Variants in HMGCS1 observed in about 807,000 individuals in gnomAD.
The protein encoded by HMGCS1 is 3-hydroxy-3-methylglutaryl-CoA synthase 1.
Under a neutral mutation model 52.3 loss-of-function variants are expected in HMGCS1, and 9 were observed. That is an observed-to-expected ratio of 0.17 (90% confidence interval 0.10 to 0.30). The LOEUF (loss-of-function observed/expected upper bound fraction) is 0.30, where lower values mean the gene tolerates loss of function less well. Ranked by LOEUF, HMGCS1 falls within the 10% of genes least tolerant of loss-of-function variation. The probability of loss-of-function intolerance (pLI) is 1.00; values close to 1 mark genes in which losing one functional copy is unlikely to be tolerated. For missense variants in HMGCS1, 320 were observed against 620.9 expected (o/e 0.52, Z 5.15); for synonymous variants, 176 against 214.4 (o/e 0.82, Z 1.57).
chr5:43,290,993 G>A lies in HMGCS1; in HGVS notation c.*138C>T. 1.6e-6 allele frequency: 1 copy of A among 606,610 alleles called. No individual in the cohort carries two copies. The highest frequency in any genetic ancestry group is 3.0e-6 in the Non-Finnish European group (1 of 334,644). 37.6% of individuals were successfully genotyped at this position (606,610 alleles called of 1,614,324 possible). On this transcript the variant is annotated 3_prime_UTR_variant, in exon 11 of 11. Transcript: ENST00000325110. ...TCCCAAGTACACGATAGTCATCCAG[G>A]CTCCATGTCAGTCACATAAAAATTT...
At position 43,288,215 on chromosome 5, in the gene HMGCS1, C is replaced by T. The variant is rs543878501; in HGVS notation, c.*2916G>A. The stretch of plus-strand genomic sequence containing the variant: ...CCATCTGAGGATTTCTAATCATAAT[C>T]TTCAGCATCAAATTACTGCCTTTAT... On this transcript the variant is annotated 3_prime_UTR_variant, in exon 11 of 11. Transcript: ENST00000325110. 6.6e-6 allele frequency: 1 copy of T among 152,150 alleles called. No individual in the cohort carries two copies. Among genetic ancestry groups the T allele is most frequent in the African/African-American group, 2.4e-5 (1 of 41,422 alleles). 9.4% of individuals were successfully genotyped at this position (152,150 alleles called of 1,614,324 possible).
At chr5:43,295,281 T>C (rs912981814) in intron 6 of HMGCS1, among the ~76,000 whole-genome samples, 1 of 152,074 alleles carries the variant, frequency 6.6e-6, no homozygotes, top group Non-Finnish European at 1.5e-5. Flanking sequence ...TTTTATCAGA[T>C]AGAGAAAGGA....
chr5:43,296,553 A>G (rs976613135), intron 5 of HMGCS1, among the ~76,000 whole-genome samples: 3 of 152,194 alleles, frequency 2.0e-5, no homozygotes, highest in African/African-American at 7.2e-5. Context: ...TGCCTCAACA[A>G]ATTTCCAGAT....
At position 43,289,970 on chromosome 5, in the gene HMGCS1, G is replaced by A. The variant is rs1408810317; in HGVS notation, c.*1161C>T. The A allele has an allele frequency of 6.6e-6, 1 of 152,262 alleles. No homozygotes were observed. The highest frequency in any genetic ancestry group is 2.4e-5 in the African/African-American group (1 of 41,310). 9.4% of individuals were successfully genotyped at this position (152,262 alleles called of 1,614,324 possible). On this transcript the variant is annotated 3_prime_UTR_variant, in exon 11 of 11. Transcript: ENST00000325110. Reference sequence around the variant, plus strand: ...TAACCAATCTTCTTATCTATCCTGTGTGATAGTTTTGTTTGTTGTTGTTTT... The same window carrying A: ...TAACCAATCTTCTTATCTATCCTGTATGATAGTTTTGTTTGTTGTTGTTTT...
chr5:43,297,112 A>G lies in HMGCS1; in HGVS notation c.629T>C (p.Leu210Pro), dbSNP rs1376065617. The part of the protein sequence containing the change: ...HAYDFYKPDM[L>P]SEYPIVDGKL... ...TCCATCTACTATAGGATATTCAGAT[A>G]GCATATCAGGCTTGTAAAAATCATA... The change falls in exon 5 of 11, where the codon CTA becomes CCA. Residue 210 changes from leucine (L) to proline (P), a missense_variant. Physicochemically the swap from Leu to Pro is moderately conservative, Grantham distance 98. This residue lies in a region of HMGCS1 where 85 missense variants were observed against 260.0 expected (regional missense o/e 0.33). Transcript: ENST00000325110. The G allele has an allele frequency of 6.2e-7, 1 of 1,613,344 alleles. No individual in the cohort carries two copies. The highest frequency in any genetic ancestry group is 8.5e-7 in the Non-Finnish European group (1 of 1,179,260).
chr5:43,289,771 C>T lies in HMGCS1; in HGVS notation c.*1360G>A, dbSNP rs1400086659. 6.6e-6 allele frequency: 1 copy of T among 152,492 alleles called. No individual in the cohort carries two copies. The highest frequency in any genetic ancestry group is 1.5e-5 in the Non-Finnish European group (1 of 68,008). 9.4% of individuals were successfully genotyped at this position (152,492 alleles called of 1,614,324 possible). On this transcript the variant is annotated 3_prime_UTR_variant, in exon 11 of 11. Coordinates refer to ENST00000325110, the MANE Select transcript of HMGCS1 (RefSeq NM_001098272.3). ...TTACATATTACCTTGCAATCTGAAA[C>T]ATTATATTTCATATTTGTGTATATT...
chr5:43,297,048 G>A lies in HMGCS1; in HGVS notation c.693C>T (p.Arg231=). The change falls in exon 5 of 11, where the codon CGC becomes CGT. Residue 231 remains arginine, a synonymous_variant. Transcript: ENST00000325110. ...SIQCYLSALD[R]CYSVYCKKIH... Reference sequence around the variant, plus strand: ...TCTTTTTGCAGTAGACAGAATAGCAGCGGTCTAATGCACTGAGGTAGCACT... The same window carrying A: ...TCTTTTTGCAGTAGACAGAATAGCAACGGTCTAATGCACTGAGGTAGCACT... The A allele has an allele frequency of 1.9e-6, 3 of 1,613,610 alleles. No homozygotes were observed. The Middle Eastern group carries it at 4.9e-4, about 266-fold the overall frequency.
rs568916053 is a variant in HMGCS1 at position 43,292,229 on chromosome 5, G to T, written c.1473+245C>A. Among the ~76,000 whole-genome samples, 154 of 152,108 alleles carry T rather than the reference G, an allele frequency of 1.0e-3. 1 individual carries two copies. The highest frequency in any genetic ancestry group is 3.5e-3 in the African/African-American group (144 of 41,510). ...GATGGTCTTGATCTCCTGACCTCGTGATCTGCCTGCCTCAGTCTCCCAAAG... is the reference window on the plus strand; with the variant it reads ...GATGGTCTTGATCTCCTGACCTCGTTATCTGCCTGCCTCAGTCTCCCAAAG... On this transcript the variant is annotated intron_variant, in intron 10 of 10. Transcript: ENST00000325110.
At chr5:43,310,280 C>T (rs949480452) in intron 1 of HMGCS1, among the ~76,000 whole-genome samples, 1 of 152,198 alleles carries the variant, frequency 6.6e-6, no homozygotes, top group Non-Finnish European at 1.5e-5. Flanking sequence ...TGTTCTAAGT[C>T]ACCTCTTCCT....
At position 43,289,296 on chromosome 5, in the gene HMGCS1, G is replaced by T. The variant is rs1180286728; in HGVS notation, c.*1835C>A. 1 of 152,500 alleles carries T rather than the reference G, an allele frequency of 6.6e-6. No homozygotes were observed. Among genetic ancestry groups the T allele is most frequent in the Admixed American group, 6.6e-5 (1 of 15,256 alleles). The allele number at this position is 152,500 out of a possible 1,614,324, so 9.4% of individuals were successfully genotyped here. On this transcript the variant is annotated 3_prime_UTR_variant, in exon 11 of 11. Coordinates refer to ENST00000325110, the MANE Select transcript of HMGCS1 (RefSeq NM_001098272.3). ...TGATAAATGAATGGAATGAGTGAACGAACTGAAATGAAATTAATGCCCATA... is the reference window on the plus strand; with the variant it reads ...TGATAAATGAATGGAATGAGTGAACTAACTGAAATGAAATTAATGCCCATA...
intron 2 of HMGCS1, among the ~76,000 whole-genome samples, chr5:43,303,276 G>A (rs1754405838): frequency 6.6e-6 from 1 of 152,228 alleles, no homozygotes; most frequent in Non-Finnish European, 1.5e-5. Flanking sequence ...ATGGCATTTG[G>A]AGATGGGGCC....
chr5:43,294,822 C>A lies in HMGCS1; in HGVS notation c.945G>T (p.Val315=), dbSNP rs1310404609. 1.9e-6 allele frequency: 3 copies of A among 1,611,154 alleles called. No homozygotes were observed. Among genetic ancestry groups the A allele is most frequent in the African/African-American group, 1.3e-5 (1 of 74,824 alleles). The change falls in exon 7 of 11, where the codon GTG becomes GTT. Residue 315 remains valine (V), a synonymous_variant. Coordinates refer to ENST00000325110, the MANE Select transcript of HMGCS1 (RefSeq NM_001098272.3). ...AGCTAGCCTTCATAAATGCCTTCTCCACATCTCTATCAAAGTAGGTGTCTT... is the reference window on the plus strand; with the variant it reads ...AGCTAGCCTTCATAAATGCCTTCTCAACATCTCTATCAAAGTAGGTGTCTT... ...KLEDTYFDRD[V]EKAFMKASSE...
intron 2 of HMGCS1, among the ~76,000 whole-genome samples, chr5:43,301,541 G>T (rs1754317538): frequency 6.6e-6 from 1 of 152,150 alleles, no homozygotes; most frequent in Non-Finnish European, 1.5e-5. Flanking sequence ...GATTTTTCTT[G>T]AATCAACCTT....
At chr5:43,303,713 G>A (rs1159724836) in intron 2 of HMGCS1, among the ~76,000 whole-genome samples, 2 of 152,078 alleles carry the variant, frequency 1.3e-5, no homozygotes, top group East Asian at 1.9e-4. Flanking sequence ...GTCTACTTCC[G>A]AATTATATCC....
intron 5 of HMGCS1, 36 bp from the exon 6 acceptor site, chr5:43,295,953 A>G (rs1754010860): frequency 6.6e-7 from 1 of 1,516,074 alleles, no homozygotes; most frequent in African/African-American, 1.4e-5. Context: ...TGAAATTCAT[A>G]TAAGCCATGA....
intron 2 of HMGCS1, among the ~76,000 whole-genome samples, chr5:43,306,973 GAGA>G (rs1754608568): frequency 6.6e-6 from 1 of 151,738 alleles, no homozygotes; most frequent in Non-Finnish European, 1.5e-5. Flanking sequence ...AGAATTGTAA[GAGA>G]AGCACTCCCT....
chr5:43,307,419 C>A (rs568043132), intron 2 of HMGCS1, among the ~76,000 whole-genome samples: 18 of 152,176 alleles, frequency 1.2e-4, no homozygotes, highest in African/African-American at 3.6e-4. Context: ...AGATACATAT[C>A]TTTTGAGGCC....
In HMGCS1 at chr5:43,298,285, C is replaced by T; in HGVS notation, c.449-151G>A. 6 of 750,792 alleles carry T rather than the reference C, an allele frequency of 8.0e-6. No homozygotes were observed. In the South Asian group the frequency reaches 9.9e-5, roughly 12 times the overall value. 46.5% of individuals were successfully genotyped at this position (750,792 alleles called of 1,614,324 possible). ...CTAATTTTTTTTTAAAATTCATCTGCCAAGGCTCTGTCATCCATCTGACTA... is the reference window on the plus strand; with the variant it reads ...CTAATTTTTTTTTAAAATTCATCTGTCAAGGCTCTGTCATCCATCTGACTA... On this transcript the variant is annotated intron_variant, in intron 3 of 10. Transcript: ENST00000325110. The surrounding 1 kb of genome is among the most constrained non-coding windows in gnomAD (Gnocchi z 5.6).
intron 2 of HMGCS1, among the ~76,000 whole-genome samples, chr5:43,299,321 G>C (rs1435708709): frequency 1.3e-5 from 2 of 152,138 alleles, no homozygotes; most frequent in African/African-American, 4.8e-5. Flanking sequence ...TAGAAATATG[G>C]CTGACAAATC....
Sources: gnomAD v4.1 joint callset for allele counts (sites outside exome capture counted in the v4.1 genomes callset) on GRCh38, gnomAD v4.1.1 for gene constraint, gnomAD v4.1.1 regional missense constraint, Gnocchi (gnomAD v3.1) non-coding constraint, MANE v1.5 for transcripts, NCBI Gene and HGNC (gene_info 2026-07-23, HGNC 2026-07-21) for gene names.